The following SNTG1 variants were observed in gnomAD, a reference collection of about 807,000 sequenced individuals.
SNTG1 encodes syntrophin gamma 1, also known as gamma-1-syntrophin.
SNTG1 carries 39 observed loss-of-function variants against 74.7 expected under a neutral mutation model. The observed-to-expected ratio is 0.52, with a 90% CI of 0.40 to 0.68. The LOEUF (loss-of-function observed/expected upper bound fraction) is 0.68, where lower values mean the gene tolerates loss of function less well. Ranked by LOEUF, SNTG1 falls within the 30% of genes least tolerant of loss-of-function variation. The pLI, the probability that SNTG1 is intolerant of heterozygous loss-of-function variation, is 0.00. For synonymous variants in SNTG1, 254 were observed against 217.1 expected (o/e 1.17, Z -1.49); for missense variants, 685 against 609.5 (o/e 1.12, Z -1.30).
rs145058582 is a variant in SNTG1 at position 49,997,845 on chromosome 8, T to G, written c.-103+85614T>G. On this transcript the variant is annotated intron_variant, in intron 1 of 18. Coordinates refer to ENST00000642720, the MANE Select transcript of SNTG1 (RefSeq NM_018967.5). ...GGTTTCATGTCTTTAGAGATTATGC[T>G]AAGAATACAATTTCCTAGTCAACCA... is the stretch of plus-strand genomic sequence containing the variant. Among the ~76,000 whole-genome samples the G allele has an allele frequency of 5.3e-3, 809 of 152,302 alleles. 9 individuals carry two copies. The highest frequency in any genetic ancestry group is 0.018 in the African/African-American group (767 of 41,566).
chr8:50,718,565 A>G (rs138218803), intron 17 of SNTG1, among the ~76,000 whole-genome samples: 4 of 152,300 alleles, frequency 2.6e-5, no homozygotes, highest in Admixed American at 6.5e-5. Context: ...AGGTTAGCCC[A>G]GGCATGTCCT....
chr8:50,659,844 C>T (rs538114926), intron 15 of SNTG1, among the ~76,000 whole-genome samples: 1 of 152,090 alleles, frequency 6.6e-6, no homozygotes, highest in Non-Finnish European at 1.5e-5. Context: ...AATGAGATAG[C>T]TTTCTTTTTT....
intron 8 of SNTG1, among the ~76,000 whole-genome samples, chr8:50,492,866 G>A (rs2093870482): frequency 6.6e-6 from 1 of 152,108 alleles, no homozygotes; most frequent in Non-Finnish European, 1.5e-5. Context: ...ATGGTTTTAT[G>A]TATTACGTTT....
chr8:50,693,667 G>T (rs2095392317), intron 15 of SNTG1, among the ~76,000 whole-genome samples: 1 of 152,104 alleles, frequency 6.6e-6, no homozygotes, highest in South Asian at 2.1e-4. Flanking sequence ...TACACATTCT[G>T]CTCAAGCACA....
chr8:50,252,893 A>G (rs1219111088), intron 2 of SNTG1, among the ~76,000 whole-genome samples: 3 of 152,240 alleles, frequency 2.0e-5, no homozygotes, highest in African/African-American at 7.2e-5. Flanking sequence ...ATTTCTCAAT[A>G]GAAGAAATAC....
rs979680472 is a variant in SNTG1 at position 50,121,155 on chromosome 8, T to G, written c.-102-51406T>G. On this transcript the variant is annotated intron_variant, in intron 1 of 18. Coordinates refer to ENST00000642720, the MANE Select transcript of SNTG1 (RefSeq NM_018967.5). Reference sequence around the variant, plus strand: ...CTAGTCTCTCAAGACCATTATTTTTTATACGTAAGTGCCTCTGAATATAAC... The same window carrying G: ...CTAGTCTCTCAAGACCATTATTTTTGATACGTAAGTGCCTCTGAATATAAC... 2.1e-5 allele frequency among the ~76,000 whole-genome samples: 3 copies of G among 142,882 alleles called. 1 individual carries two copies. Among genetic ancestry groups the G allele is most frequent in the Middle Eastern group, 7.6e-3 (2 of 262 alleles). 93.7% of individuals were successfully genotyped at this position (142,882 alleles called of 152,430 possible).
At chr8:50,213,615 G>A (rs1016434870) in intron 2 of SNTG1, among the ~76,000 whole-genome samples, 9 of 151,826 alleles carry the variant, frequency 5.9e-5, no homozygotes, top group East Asian at 5.8e-4. Context: ...TTTAATGATT[G>A]CCATTCTAAC....
At chr8:50,332,038 G>A (rs2090985250) in intron 2 of SNTG1, among the ~76,000 whole-genome samples, 1 of 152,200 alleles carries the variant, frequency 6.6e-6, no homozygotes, top group Admixed American at 6.5e-5. Flanking sequence ...CTGAGGCCAT[G>A]CTGTTAAGTA....
At chr8:50,272,817 A>G (rs538755354) in intron 2 of SNTG1, among the ~76,000 whole-genome samples, 2 of 151,848 alleles carry the variant, frequency 1.3e-5, no homozygotes, top group African/African-American at 4.8e-5. Context: ...GCTCATGGTA[A>G]CCTCAAACTC....
intron 15 of SNTG1, among the ~76,000 whole-genome samples, chr8:50,677,410 A>G (rs2095313475): frequency 6.6e-6 from 1 of 151,986 alleles, no homozygotes; most frequent in Non-Finnish European, 1.5e-5. Flanking sequence ...AACATAACAT[A>G]TCCTTAATGT....
intron 1 of SNTG1, among the ~76,000 whole-genome samples, chr8:50,084,053 T>C (rs1486020974): frequency 6.6e-6 from 1 of 152,218 alleles, no homozygotes; most frequent in African/African-American, 2.4e-5. Context: ...GCTATAGCCA[T>C]TCTAAATGTA....
intron 2 of SNTG1, among the ~76,000 whole-genome samples, chr8:50,314,506 G>T (rs1192307003): frequency 6.7e-6 from 1 of 149,638 alleles, no homozygotes; most frequent in Non-Finnish European, 1.5e-5. Flanking sequence ...TGACGGAGAT[G>T]ATTTTCAGTG....
intron 17 of SNTG1, among the ~76,000 whole-genome samples, chr8:50,712,476 T>C (rs1230821631): frequency 3.3e-5 from 5 of 152,160 alleles, no homozygotes; most frequent in African/African-American, 1.2e-4. Flanking sequence ...TGTTTTTAGA[T>C]TCTTTTTCTT....
chr8:50,109,515 A>C (rs926424134), intron 1 of SNTG1, among the ~76,000 whole-genome samples: 1 of 152,150 alleles, frequency 6.6e-6, no homozygotes, highest in African/African-American at 2.4e-5. Flanking sequence ...AAGAGTTCTC[A>C]AATTATGTTC....
intron 1 of SNTG1, among the ~76,000 whole-genome samples, chr8:50,043,977 A>G (rs1818861223): frequency 6.6e-6 from 1 of 152,184 alleles, no homozygotes; most frequent in Non-Finnish European, 1.5e-5. Flanking sequence ...GGGAAAAATA[A>G]ATCATCTATG....
intron 1 of SNTG1, among the ~76,000 whole-genome samples, chr8:50,019,721 T>A (rs1015336948): frequency 5.3e-5 from 8 of 151,864 alleles, no homozygotes; most frequent in Non-Finnish European, 1.2e-4. Flanking sequence ...CAAGGAAATG[T>A]TAAGAGTAGA....
chr8:50,457,367 A>G (rs1033071056), intron 8 of SNTG1, among the ~76,000 whole-genome samples: 1 of 152,190 alleles, frequency 6.6e-6, no homozygotes, highest in African/African-American at 2.4e-5. Context: ...CACCATGCTG[A>G]TGCAAGATCT....
chr8:50,351,483 C>A (rs909917702), intron 2 of SNTG1, among the ~76,000 whole-genome samples: 2 of 152,144 alleles, frequency 1.3e-5, no homozygotes, highest in African/African-American at 4.8e-5. Context: ...AATGTACTTT[C>A]TTTTTATTTT....
chr8:50,429,461 A>C (rs1008862041), intron 4 of SNTG1, among the ~76,000 whole-genome samples: 3 of 152,166 alleles, frequency 2.0e-5, no homozygotes, highest in African/African-American at 7.2e-5. Context: ...ACCCTACCTC[A>C]CACCACATAC....
Sources: gnomAD v4.1 joint callset for allele counts (sites outside exome capture counted in the v4.1 genomes callset) on GRCh38, gnomAD v4.1.1 for gene constraint, MANE v1.5 for transcripts, NCBI Gene and HGNC (gene_info 2026-07-23, HGNC 2026-07-21) for gene names.